The following SSR1 variants were observed in gnomAD, a reference collection of about 807,000 sequenced individuals.
The protein encoded by SSR1 is signal sequence receptor subunit 1, also known as translocon-associated protein subunit alpha.
A neutral mutation model predicts 36.1 loss-of-function variants in SSR1; 13 were observed. The observed-to-expected ratio is 0.36, with a 90% confidence interval of 0.23 to 0.57. SSR1 has a LOEUF of 0.57. Ranked by LOEUF, SSR1 falls within the 20% of genes least tolerant of loss-of-function variation. The pLI, the probability that SSR1 is intolerant of heterozygous loss-of-function variation, is 0.81. For missense variants in SSR1, 291 were observed against 338.5 expected (o/e 0.86, Z 1.10); for synonymous variants, 113 against 118.9 (o/e 0.95, Z 0.32).
chr6:7,298,560 A>G (rs1376595676), intron 5 of SSR1, 187 bp downstream of exon 5: 1 of 539,168 alleles, frequency 1.9e-6, no homozygotes, highest in African/African-American at 1.9e-5. Flanking sequence ...AGTTTCAACT[A>G]TCTTTCCTAA....
intron 5 of SSR1, 23 bp from the exon 6 acceptor site, chr6:7,298,024 G>T (rs1433751538): frequency 1.9e-6 from 3 of 1,569,950 alleles, no homozygotes; most frequent in East Asian, 4.5e-5. Context: ...GAGAAAATAT[G>T]AACTGTCTTT....
Position 7,286,816 on chromosome 6 carries a change from C to T in SSR1, c.*3048G>A, listed in dbSNP as rs775563840. 1.4e-5 allele frequency: 2 copies of T among 146,776 alleles called. No homozygotes were observed. The highest frequency in any genetic ancestry group is 1.5e-5 in the Non-Finnish European group (1 of 67,622). The allele number at this position is 146,776 out of a possible 1,614,324, so 9.1% of individuals were successfully genotyped here. A position where few individuals can be genotyped will look rare whatever the true frequency, so the allele number is the denominator to read the frequency against. On this transcript the variant is annotated 3_prime_UTR_variant, in exon 8 of 8. Transcript: ENST00000244763. ...ATCCAAGCTACTCAGGAGGCTGAGA[C>T]AGGGAGAACTGCTTGAACCCAAGAG...
At chr6:7,300,735 C>T (rs906879143) in intron 4 of SSR1, among the ~76,000 whole-genome samples, 2 of 152,162 alleles carry the variant, frequency 1.3e-5, no homozygotes, top group African/African-American at 4.8e-5. Context: ...CTCCGCCTCC[C>T]AGGTTCAAGT....
At chr6:7,305,091 A>G (rs1758026960) in intron 2 of SSR1, among the ~76,000 whole-genome samples, 1 of 152,230 alleles carries the variant, frequency 6.6e-6, no homozygotes. Flanking sequence ...TGAAACCATA[A>G]ATGACAGGGA....
intron 2 of SSR1, among the ~76,000 whole-genome samples, chr6:7,306,852 C>G (rs959760556): frequency 2.9e-5 from 4 of 140,328 alleles, no homozygotes; most frequent in South Asian, 2.4e-4. Context: ...GGAGGTGGAG[C>G]TTGCAGTGAG....
At chr6:7,308,878 A>G (rs113305370) in intron 2 of SSR1, among the ~76,000 whole-genome samples, 2 of 152,350 alleles carry the variant, frequency 1.3e-5, no homozygotes, top group African/African-American at 4.8e-5. Context: ...AAAAGCAAGC[A>G]AGCGAAAAAG....
chr6:7,291,150 T>C (rs889377090), intron 7 of SSR1, among the ~76,000 whole-genome samples: 2 of 152,124 alleles, frequency 1.3e-5, no homozygotes, highest in Non-Finnish European at 2.9e-5. Flanking sequence ...TCCCAGCACT[T>C]TGGGAGGCTG....
At chr6:7,290,002 T>C in intron 7 of SSR1, 71 bp from the exon 8 acceptor site, 1 of 1,330,458 alleles carries the variant, frequency 7.5e-7, no homozygotes, top group South Asian at 1.5e-5. Context: ...TGTTAAAAAG[T>C]ATTTACCTTC....
rs1412326978 is a variant in SSR1 at position 7,285,468 on chromosome 6, G to C, written c.*4396C>G. The C allele has an allele frequency of 6.6e-6, 1 of 152,316 alleles. No homozygotes were observed. The highest frequency in any genetic ancestry group is 1.5e-5 in the Non-Finnish European group (1 of 68,160). The allele number at this position is 152,316 out of a possible 1,614,324, so 9.4% of individuals were successfully genotyped here. Reference sequence around the variant, plus strand: ...AGGTGGGTGAATCACTTGAGCTCAGGAGTTCGAGACCAGCCTGGCAACATG... The same window carrying C: ...AGGTGGGTGAATCACTTGAGCTCAGCAGTTCGAGACCAGCCTGGCAACATG... On this transcript the variant is annotated 3_prime_UTR_variant, in exon 8 of 8. Coordinates refer to ENST00000244763, the MANE Select transcript of SSR1 (RefSeq NM_003144.5). The surrounding 1 kb of genome is among the most constrained non-coding windows in gnomAD (Gnocchi z 4.1).
Position 7,289,808 on chromosome 6 carries a change from G to T in SSR1, c.*56C>A. 1.3e-6 allele frequency: 2 copies of T among 1,511,320 alleles called. No individual in the cohort carries two copies. The highest frequency in any genetic ancestry group is 1.8e-6 in the Non-Finnish European group (2 of 1,122,454). 93.6% of individuals were successfully genotyped at this position (1,511,320 alleles called of 1,614,324 possible). On this transcript the variant is annotated 3_prime_UTR_variant, in exon 8 of 8. Transcript: ENST00000244763. ...GCTTCTCTGCACTAATTCCCATCAGGCCGAAAAATATTAGGGCAGGTTAAG... is the reference window on the plus strand; with the variant it reads ...GCTTCTCTGCACTAATTCCCATCAGTCCGAAAAATATTAGGGCAGGTTAAG...
At position 7,282,992 on chromosome 6, in the gene SSR1, A is replaced by G. The variant is rs1451776100; in HGVS notation, c.*6872T>C. ...TGCTTTGAATCTTCCACTGTGGATG[A>G]TGGCAACTGGTCCTTTTAGGAGAGC... On this transcript the variant is annotated 3_prime_UTR_variant, in exon 8 of 8. Coordinates refer to ENST00000244763, the MANE Select transcript of SSR1 (RefSeq NM_003144.5). 6.6e-6 allele frequency: 1 copy of G among 152,256 alleles called. No individual in the cohort carries two copies. The highest frequency in any genetic ancestry group is 2.4e-5 in the African/African-American group (1 of 41,478). 9.4% of individuals were successfully genotyped at this position (152,256 alleles called of 1,614,324 possible). A position where few individuals can be genotyped will look rare whatever the true frequency, so the allele number is the denominator to read the frequency against.
rs1293285140 is a variant in SSR1 at position 7,286,076 on chromosome 6, AC to A, written c.*3787del. 3 of 152,202 alleles carry A rather than the reference AC, an allele frequency of 2.0e-5. No individual in the cohort carries two copies. The highest frequency in any genetic ancestry group is 4.4e-5 in the Non-Finnish European group (3 of 68,044). 9.4% of individuals were successfully genotyped at this position (152,202 alleles called of 1,614,324 possible). A position where few individuals can be genotyped will look rare whatever the true frequency, so the allele number is the denominator to read the frequency against. On this transcript the variant is annotated 3_prime_UTR_variant, in exon 8 of 8. Transcript: ENST00000244763. ...TGTCTATTCCATCTACAAAATGGGA[AC>A]AGTATCACCTTCCTTCAGTGAGCTG...
intron 2 of SSR1, among the ~76,000 whole-genome samples, chr6:7,308,532 G>A (rs1758119565): frequency 6.6e-6 from 1 of 152,180 alleles, no homozygotes; most frequent in African/African-American, 2.4e-5. Context: ...ATGGATTATA[G>A]TCGTTCCAGA....
intron 1 of SSR1, among the ~76,000 whole-genome samples, chr6:7,312,063 T>C (rs1386327697): frequency 3.9e-5 from 6 of 152,226 alleles, no homozygotes; most frequent in African/African-American, 1.4e-4. Flanking sequence ...AACTCGTGAA[T>C]ACCTGTCACT....
intron 6 of SSR1, among the ~76,000 whole-genome samples, chr6:7,297,643 T>G (rs1211240982): frequency 1.3e-5 from 2 of 152,088 alleles, no homozygotes; most frequent in African/African-American, 4.8e-5. Context: ...GAGGATCACT[T>G]GAGCCCAGGA....
At chr6:7,293,004 A>G (rs1409247601) in intron 7 of SSR1, among the ~76,000 whole-genome samples, 1 of 152,136 alleles carries the variant, frequency 6.6e-6, no homozygotes, top group African/African-American at 2.4e-5. Flanking sequence ...ACCCTAGCCA[A>G]TACAGTCATC....
At chr6:7,309,773 C>T in intron 2 of SSR1, 144 bp downstream of exon 2, 1 of 697,584 alleles carries the variant, frequency 1.4e-6, no homozygotes. Flanking sequence ...CCTGAGGCCT[C>T]CCCAGTCATG....
chr6:7,295,298 A>C, intron 7 of SSR1, 94 bp downstream of exon 7: 1 of 1,154,168 alleles, frequency 8.7e-7, no homozygotes. Context: ...AATGTTAAAT[A>C]GTACTGAAAA....
chr6:7,313,163 T>C lies in SSR1; in HGVS notation c.-43A>G. On this transcript the variant is annotated 5_prime_UTR_variant, in exon 1 of 8. Coordinates refer to ENST00000244763, the MANE Select transcript of SSR1 (RefSeq NM_003144.5). ...GTCCAGTTTCCGTCGGCTAAGGCTC[T>C]CGGCGGCTCCGGCGGTAATGGCGTT... 3 of 1,554,252 alleles carry C rather than the reference T, an allele frequency of 1.9e-6. 1 individual carries two copies. Among genetic ancestry groups the C allele is most frequent in the Non-Finnish European group, 2.6e-6 (3 of 1,146,064 alleles).
Sources: allele counts gnomAD v4.1 joint callset (sites outside exome capture counted in the v4.1 genomes callset), GRCh38; gene constraint gnomAD v4.1.1; non-coding constraint Gnocchi (gnomAD v3.1); transcripts MANE v1.5; gene names NCBI Gene and HGNC (gene_info 2026-07-23, HGNC 2026-07-21).